LRRIQ1: variants seen among roughly 807,000 people sequenced by gnomAD.
LRRIQ1 encodes the protein leucine rich repeats and IQ motif containing 1, also known as leucine-rich repeat- and IQ domain-containing protein 1.
In LRRIQ1, 210 loss-of-function variants were observed where a neutral mutation model predicts 211.9. That is an observed-to-expected ratio of 0.99 (90% confidence interval 0.89 to 1.11). The LOEUF (loss-of-function observed/expected upper bound fraction) is 1.11, where lower values mean the gene tolerates loss of function less well. Ranked by LOEUF, LRRIQ1 falls within the 50% of genes most tolerant of loss-of-function variation. The pLI, the probability that LRRIQ1 is intolerant of heterozygous loss-of-function variation, is 0.00. For missense variants in LRRIQ1, 2,136 were observed against 1,939.5 expected (o/e 1.10, Z -1.90); for synonymous variants, 699 against 650.1 (o/e 1.08, Z -1.14).
intron 11 of LRRIQ1, among the ~76,000 whole-genome samples, chr12:85,075,611 C>A (rs759199600): frequency 1.3e-5 from 2 of 152,116 alleles, no homozygotes; most frequent in East Asian, 1.9e-4. Context: ...CCTGATGGAT[C>A]CCCCCTACCC....
rs766040411 is a variant in LRRIQ1, at chr12:85,047,407, A to T, written c.615A>T (p.Glu205Asp). 26 of 1,613,038 alleles carry T rather than the reference A, an allele frequency of 1.6e-5. 1 individual carries two copies. In the South Asian group the frequency reaches 2.7e-4, roughly 17 times the overall value. The change falls in exon 6 of 27, where the codon GAA becomes GAT. Residue 205 changes from glutamate to aspartate, a missense_variant. Transcript: ENST00000393217. ...REEKQFQEEE[E>D]KRHCWMKQFK... ...AAAAACAATTTCAAGAAGAAGAAGA[A>T]AAGCGACATTGCTGGATGAAACAAT...
At chr12:85,169,300 GAA>G (rs1395042779) in intron 24 of LRRIQ1, among the ~76,000 whole-genome samples, 1 of 152,196 alleles carries the variant, frequency 6.6e-6, no homozygotes, top group East Asian at 1.9e-4. Context: ...GGAACCTGGA[GAA>G]AGAGTCAGTA....
At chr12:85,100,525 AGTAAT>A (rs1189726886) in intron 13 of LRRIQ1, among the ~76,000 whole-genome samples, 1 of 151,772 alleles carries the variant, frequency 6.6e-6, no homozygotes, top group Non-Finnish European at 1.5e-5. Flanking sequence ...TAAAAAAATG[AGTAAT>A]GTATGTTCTT....
intron 1 of LRRIQ1, among the ~76,000 whole-genome samples, chr12:85,255,704 A>G (rs1320249175): frequency 1.3e-5 from 2 of 151,766 alleles, no homozygotes; most frequent in Non-Finnish European, 3.0e-5. Flanking sequence ...AGTCTTTTAA[A>G]TTATTGTTTA....
intron 1 of LRRIQ1, among the ~76,000 whole-genome samples, chr12:85,257,117 AC>A (rs1172401730): frequency 8.5e-6 from 1 of 118,034 alleles, no homozygotes; most frequent in Admixed American, 1.1e-4. Context: ...ATATATAATT[AC>A]ATAATATATA....
chr12:85,241,533 T>C (rs1895459692), intron 26 of LRRIQ1, among the ~76,000 whole-genome samples: 1 of 151,958 alleles, frequency 6.6e-6, no homozygotes. Flanking sequence ...TGCAAATTAT[T>C]CTAACAGTTA....
intron 6 of LRRIQ1, chr12:85,047,889 T>A (rs757644871): frequency 2.9e-4 from 46 of 160,172 alleles, no homozygotes; most frequent in Admixed American, 1.2e-3. Context: ...AGAGTCAGTC[T>A]GCGCCCCACC....
downstream of LRRIQ1, among the ~76,000 whole-genome samples, chr12:85,246,885 G>T (rs578027107): frequency 2.6e-5 from 4 of 151,486 alleles, no homozygotes; most frequent in South Asian, 8.3e-4. Flanking sequence ...ATAATAATAA[G>T]GAGTGTGGTC....
chr12:85,084,683 T>C (rs905441845), intron 11 of LRRIQ1, among the ~76,000 whole-genome samples: 1 of 152,080 alleles, frequency 6.6e-6, no homozygotes, highest in African/African-American at 2.4e-5. Context: ...CCCAGCACTT[T>C]GGGAGGCTGA....
chr12:85,048,815 T>C (rs1879961396), intron 6 of LRRIQ1, among the ~76,000 whole-genome samples: 1 of 152,146 alleles, frequency 6.6e-6, no homozygotes, highest in Admixed American at 6.5e-5. Flanking sequence ...CTAAAATACA[T>C]AATTGCTATT....
chr12:85,183,788 C>G (rs926963896), intron 24 of LRRIQ1, among the ~76,000 whole-genome samples: 48 of 152,078 alleles, frequency 3.2e-4, no homozygotes, highest in African/African-American at 1.1e-3. Context: ...CAGGTAAGGT[C>G]TTAATTAAAA....
chr12:85,253,173 G>A (rs912822320), intron 1 of LRRIQ1, among the ~76,000 whole-genome samples: 12 of 152,054 alleles, frequency 7.9e-5, no homozygotes, highest in African/African-American at 9.6e-5. Flanking sequence ...GAGAACCTGC[G>A]TCTGGGGTCT....
At chr12:85,094,880 A>G (rs1885730819) in intron 11 of LRRIQ1, among the ~76,000 whole-genome samples, 1 of 151,854 alleles carries the variant, frequency 6.6e-6, no homozygotes. Flanking sequence ...GTGTATGTCT[A>G]TTGTAAATGG....
intron 2 of LRRIQ1, among the ~76,000 whole-genome samples, chr12:85,038,869 A>G (rs1382648445): frequency 6.6e-6 from 1 of 151,404 alleles, no homozygotes; most frequent in Non-Finnish European, 1.5e-5. Flanking sequence ...CATATGATCT[A>G]TCCAAGGCTG....
At position 85,117,053 on chromosome 12, in the gene LRRIQ1, C is replaced by A. The variant is rs116077059; in HGVS notation, c.3378-4644C>A. Among the ~76,000 whole-genome samples, 747 of 152,232 alleles carry A rather than the reference C, an allele frequency of 4.9e-3. 8 individuals carry two copies. The highest frequency in any genetic ancestry group is 0.017 in the African/African-American group (722 of 41,534). On this transcript the variant is annotated intron_variant, in intron 15 of 26. Coordinates refer to ENST00000393217, the MANE Select transcript of LRRIQ1 (RefSeq NM_001079910.2). The stretch of plus-strand genomic sequence containing the variant: ...GGAAAGACTGCATTTTTCAAAGCAT[C>A]CCAGGTACAACTGATACAGTAGTTC...
downstream of LRRIQ1, among the ~76,000 whole-genome samples, chr12:85,247,663 C>T (rs1248969770): frequency 1.3e-5 from 2 of 151,308 alleles, no homozygotes; most frequent in African/African-American, 4.8e-5. Flanking sequence ...TGATATATTG[C>T]CTTGGGTATT....
downstream of LRRIQ1, among the ~76,000 whole-genome samples, chr12:85,268,663 C>G (rs952820842): frequency 8.8e-5 from 13 of 147,748 alleles, no homozygotes; most frequent in African/African-American, 3.4e-4. Context: ...ACATCTGTAA[C>G]TATGTAGCTA....
chr12:85,269,368 G>A (rs1896486823), downstream of LRRIQ1, among the ~76,000 whole-genome samples: 1 of 151,986 alleles, frequency 6.6e-6, no homozygotes, highest in Non-Finnish European at 1.5e-5. Context: ...ATTAGACATG[G>A]TTAGGGGAAA....
intron 24 of LRRIQ1, among the ~76,000 whole-genome samples, chr12:85,224,380 A>T (rs1281457977): frequency 1.3e-5 from 2 of 152,188 alleles, no homozygotes; most frequent in Non-Finnish European, 2.9e-5. Flanking sequence ...CAATCCCATT[A>T]GCGGGTATAT....
Sources: gnomAD v4.1 joint callset for allele counts (sites outside exome capture counted in the v4.1 genomes callset) on GRCh38, gnomAD v4.1.1 for gene constraint, MANE v1.5 for transcripts, NCBI Gene and HGNC (gene_info 2026-07-23, HGNC 2026-07-21) for gene names.